Variants in FOXK2 observed in about 807,000 individuals in gnomAD.
The protein encoded by FOXK2 is forkhead box K2.
Under a neutral mutation model 53.3 loss-of-function variants are expected in FOXK2, and 24 were observed. The observed-to-expected ratio is 0.45, with a 90% confidence interval of 0.33 to 0.63. FOXK2 has a LOEUF of 0.63. Among genes scored for constraint, FOXK2 ranks in the 30% least tolerant of loss-of-function variants. FOXK2 has a pLI of 0.03. For missense variants in FOXK2, 952 were observed against 910.5 expected (o/e 1.05, Z -0.59); for synonymous variants, 505 against 407.1 (o/e 1.24, Z -2.89).
intron 1 of FOXK2, among the ~76,000 whole-genome samples, chr17:82,540,482 C>G (rs1196279400): frequency 6.6e-6 from 1 of 152,098 alleles, no homozygotes; most frequent in Non-Finnish European, 1.5e-5. Flanking sequence ...GTCTATACCC[C>G]CTTTCCCCTG....
At chr17:82,571,217 A>C (rs775646009) in intron 3 of FOXK2, among the ~76,000 whole-genome samples, 1 of 151,924 alleles carries the variant, frequency 6.6e-6, no homozygotes, top group Non-Finnish European at 1.5e-5. Context: ...TGACATTTGG[A>C]TTTTTTCCTT....
intron 8 of FOXK2, among the ~76,000 whole-genome samples, chr17:82,592,773 G>T (rs1389572610): frequency 6.6e-6 from 1 of 152,200 alleles, no homozygotes; most frequent in East Asian, 1.9e-4. Flanking sequence ...GTGTGAGGGC[G>T]CACGCTTCGC....
At chr17:82,546,142 A>AGT (rs2044623279) in intron 1 of FOXK2, among the ~76,000 whole-genome samples, 1 of 90,078 alleles carries the variant, frequency 1.1e-5, no homozygotes, top group South Asian at 4.1e-4. Flanking sequence ...TTTGAGATGG[A>AGT]GTCTCGCTTG....
chr17:82,592,779 T>C (rs1185695415), intron 8 of FOXK2, among the ~76,000 whole-genome samples: 1 of 152,214 alleles, frequency 6.6e-6, no homozygotes, highest in Non-Finnish European at 1.5e-5. Flanking sequence ...GGGCGCACGC[T>C]TCGCAGTGAG....
chr17:82,523,324 A>C (rs2044385527), intron 1 of FOXK2, among the ~76,000 whole-genome samples: 1 of 152,192 alleles, frequency 6.6e-6, no homozygotes, highest in African/African-American at 2.4e-5. Context: ...TGCGGTGTGA[A>C]TTAAATTATT....
intron 4 of FOXK2, among the ~76,000 whole-genome samples, chr17:82,577,645 G>A (rs1199601396): frequency 6.6e-6 from 1 of 152,198 alleles, no homozygotes; most frequent in African/African-American, 2.4e-5. Flanking sequence ...ACTTCACCCA[G>A]AATTGAGATA....
chr17:82,555,885 CAAAAAAAAAAAAAAAA>C (rs71168116), intron 1 of FOXK2, among the ~76,000 whole-genome samples: 7 of 74,242 alleles, frequency 9.4e-5, no homozygotes, highest in African/African-American at 2.7e-4. Context: ...GACTCTATCA[CAAAAAAAAAAAAAAAA>C]AAAAAAAAAA....
At chr17:82,524,626 G>A (rs1336781083) in intron 1 of FOXK2, among the ~76,000 whole-genome samples, 1 of 152,190 alleles carries the variant, frequency 6.6e-6, no homozygotes, top group East Asian at 1.9e-4. Flanking sequence ...GAAAACAAAT[G>A]GCTTCTTCAA....
chr17:82,556,470 C>T (rs1392563544), intron 1 of FOXK2, among the ~76,000 whole-genome samples: 1 of 150,502 alleles, frequency 6.6e-6, no homozygotes, highest in Admixed American at 6.6e-5. Context: ...GTTACCAGGA[C>T]ATCTGGATAG....
intron 1 of FOXK2, among the ~76,000 whole-genome samples, chr17:82,544,165 G>A (rs1324006565): frequency 6.6e-6 from 1 of 151,912 alleles, no homozygotes; most frequent in African/African-American, 2.4e-5. Flanking sequence ...CTCCCACTTC[G>A]GCTTTCCAAA....
intron 1 of FOXK2, among the ~76,000 whole-genome samples, chr17:82,529,914 C>G (rs1482420165): frequency 6.6e-6 from 1 of 152,164 alleles, no homozygotes; most frequent in African/African-American, 2.4e-5. Flanking sequence ...TAGGCTGATA[C>G]AGATATTCTG....
intron 8 of FOXK2, 55 bp from the exon 9 acceptor site, chr17:82,601,248 A>G: frequency 6.4e-7 from 1 of 1,557,940 alleles, no homozygotes; most frequent in Non-Finnish European, 8.7e-7. Flanking sequence ...TGGGGTTCTG[A>G]GTCGCGAGGG....
Position 82,603,178 on chromosome 17 carries a change from C to G in FOXK2, c.*1679C>G, listed in dbSNP as rs188114807. 2 of 152,460 alleles carry G rather than the reference C, an allele frequency of 1.3e-5. No individual in the cohort carries two copies. 9.4% of individuals were successfully genotyped at this position (152,460 alleles called of 1,614,324 possible). The stretch of plus-strand genomic sequence containing the variant: ...AGCCGTTTAAGAAATAAAAGCAAAA[C>G]CATCACGTGACTGAGACCGTGTGTG... On this transcript the variant is annotated 3_prime_UTR_variant, in exon 9 of 9. Transcript: ENST00000335255.
At chr17:82,574,389 C>T (rs970820748) in intron 4 of FOXK2, among the ~76,000 whole-genome samples, 4 of 150,522 alleles carry the variant, frequency 2.7e-5, no homozygotes, top group Admixed American at 6.6e-5. Context: ...GGCGCGATCT[C>T]GGCTCACTGC....
intron 4 of FOXK2, among the ~76,000 whole-genome samples, chr17:82,573,555 CT>C (rs2044945171): frequency 9.3e-6 from 1 of 107,992 alleles, no homozygotes; most frequent in African/African-American, 3.6e-5. Context: ...CTCTCTCTCT[CT>C]CTCTCTCACA....
chr17:82,540,827 T>C (rs1287614986), intron 1 of FOXK2, among the ~76,000 whole-genome samples: 1 of 152,218 alleles, frequency 6.6e-6, no homozygotes, highest in Non-Finnish European at 1.5e-5. Context: ...CCCATATCAG[T>C]AAGTGAGCAT....
At chr17:82,591,090 G>A (rs1486261959) in intron 8 of FOXK2, among the ~76,000 whole-genome samples, 1 of 152,204 alleles carries the variant, frequency 6.6e-6, no homozygotes, top group Non-Finnish European at 1.5e-5. Context: ...CTGACAGGAC[G>A]AGGGGTCAGG....
chr17:82,531,881 C>T (rs2044475060), intron 1 of FOXK2, among the ~76,000 whole-genome samples: 1 of 152,228 alleles, frequency 6.6e-6, no homozygotes, highest in Non-Finnish European at 1.5e-5. Context: ...GCTTTTGTCG[C>T]CCAGGCTGCA....
At position 82,533,308 on chromosome 17, in the gene FOXK2, G is replaced by T. The variant is rs2044489814; in HGVS notation, c.419+13001G>T. 2.0e-5 allele frequency among the ~76,000 whole-genome samples: 3 copies of T among 152,250 alleles called. No homozygotes were observed. The South Asian group carries it at 6.2e-4, about 32-fold the overall frequency. ...GTTTGAGACCAGCCTGGCCAACATG[G>T]TGAAACCCTGTCTCTACTAAAAATG... On this transcript the variant is annotated intron_variant, in intron 1 of 8. Transcript: ENST00000335255.
Sources: allele counts gnomAD v4.1 joint callset (sites outside exome capture counted in the v4.1 genomes callset), GRCh38; gene constraint gnomAD v4.1.1; transcripts MANE v1.5; gene names NCBI Gene and HGNC (gene_info 2026-07-23, HGNC 2026-07-21).